The following QRICH1 variants were observed in gnomAD, a reference collection of about 807,000 sequenced individuals.
The protein encoded by QRICH1 is transcriptional regulator QRICH1.
In QRICH1, 16 loss-of-function variants were observed where a neutral mutation model predicts 87.1. The observed-to-expected ratio is 0.18, with a 90% confidence interval of 0.12 to 0.28. QRICH1 has a LOEUF of 0.28. Among genes scored for constraint, QRICH1 ranks in the 10% least tolerant of loss-of-function variants. QRICH1 has a pLI of 1.00. For synonymous variants in QRICH1, 367 were observed against 368.4 expected, an observed-to-expected ratio of 1.00 and a Z score of 0.05; for missense variants, 647 against 951.7, an observed-to-expected ratio of 0.68 and a Z score of 4.21.
intron 1 of QRICH1, among the ~76,000 whole-genome samples, chr3:49,083,732 C>T (rs1000107605): frequency 5.3e-5 from 8 of 151,710 alleles, no homozygotes; most frequent in African/African-American, 1.9e-4. Context: ...CATGCCACTG[C>T]ACTCCAGCTT....
At chr3:49,085,997 G>A in intron 1 of QRICH1, among the ~76,000 whole-genome samples, 1 of 151,888 alleles carries the variant, frequency 6.6e-6, no homozygotes, top group East Asian at 1.9e-4. Context: ...CAGCCATGAG[G>A]ATATCTGAGT....
At chr3:49,092,717 C>T (rs965492170) in intron 1 of QRICH1, among the ~76,000 whole-genome samples, 4 of 152,008 alleles carry the variant, frequency 2.6e-5, no homozygotes, top group African/African-American at 9.7e-5. Context: ...TCCTTGACAC[C>T]AAAACACAGC....
intron 2 of QRICH1, among the ~76,000 whole-genome samples, chr3:49,075,330 C>CAA (rs941226226): frequency 3.3e-4 from 22 of 65,904 alleles, no homozygotes; most frequent in South Asian, 1.9e-3. Flanking sequence ...CCCTGTCCCT[C>CAA]AAAAAAAAAA....
chr3:49,079,416 AT>A (rs2042014338), intron 1 of QRICH1, among the ~76,000 whole-genome samples: 2 of 148,494 alleles, frequency 1.3e-5, no homozygotes, highest in Non-Finnish European at 3.0e-5. Flanking sequence ...AATAAAATAA[AT>A]AATTATAATA....
intron 3 of QRICH1, among the ~76,000 whole-genome samples, chr3:49,052,983 T>G (rs1239552899): frequency 6.6e-6 from 1 of 152,182 alleles, no homozygotes; most frequent in Non-Finnish European, 1.5e-5. Flanking sequence ...ATTATCATCT[T>G]CAGCAGCAGC....
intron 2 of QRICH1, among the ~76,000 whole-genome samples, chr3:49,068,328 T>A (rs1049134426): frequency 1.3e-5 from 2 of 151,916 alleles, no homozygotes; most frequent in Non-Finnish European, 2.9e-5. Flanking sequence ...CTCTACTCTG[T>A]AGCCTATAGT....
intron 6 of QRICH1, among the ~76,000 whole-genome samples, chr3:49,039,614 A>T (rs1163456626): frequency 7.6e-6 from 1 of 132,052 alleles, no homozygotes; most frequent in Non-Finnish European, 1.6e-5. Flanking sequence ...CAGAGACTCC[A>T]TCTCAAAAAA....
Position 49,034,078 on chromosome 3 carries a change from T to TA in QRICH1, c.1787-851_1787-850insT, listed in dbSNP as rs2093259527. On this transcript the variant is annotated intron_variant, in intron 6 of 9. Transcript: ENST00000395443. ...AAAGAGACTGATACTCTTTGGGGGA[T>TA]TTTATTATTATTATTATTATTATTA... is the stretch of plus-strand genomic sequence containing the variant. Among the ~76,000 whole-genome samples, 12 of 93,050 alleles carry TA rather than the reference T, an allele frequency of 1.3e-4. 2 individuals carry two copies. The highest frequency in any genetic ancestry group is 5.2e-4 in the African/African-American group (11 of 21,104). The allele number at this position is 93,050 out of a possible 152,430, so 61.0% of individuals were successfully genotyped here.
At chr3:49,080,028 CAAAA>C (rs11443291) in intron 1 of QRICH1, among the ~76,000 whole-genome samples, 1 of 136,524 alleles carries the variant, frequency 7.3e-6, no homozygotes. Flanking sequence ...GACTCTATCT[CAAAA>C]AAAAAAAAAA....
intron 3 of QRICH1, among the ~76,000 whole-genome samples, chr3:49,050,390 T>C (rs1575339865): frequency 8.3e-6 from 1 of 120,766 alleles, no homozygotes; most frequent in Admixed American, 1.1e-4. Context: ...GCCACTGCAC[T>C]CCAACCTGGG....
At chr3:49,082,355 G>C (rs2042078372) in intron 1 of QRICH1, among the ~76,000 whole-genome samples, 1 of 152,074 alleles carries the variant, frequency 6.6e-6, no homozygotes, top group Non-Finnish European at 1.5e-5. Flanking sequence ...TGTCAATCAA[G>C]GTTCCAAAGA....
chr3:49,070,919 C>T (rs934115005), intron 2 of QRICH1, among the ~76,000 whole-genome samples: 2 of 152,000 alleles, frequency 1.3e-5, no homozygotes, highest in Non-Finnish European at 1.5e-5. Flanking sequence ...GCTTTTCTTT[C>T]TTCTGAGACA....
intron 1 of QRICH1, among the ~76,000 whole-genome samples, chr3:49,092,699 C>A (rs2042299763): frequency 6.6e-6 from 1 of 151,924 alleles, no homozygotes; most frequent in Admixed American, 6.6e-5. Flanking sequence ...TAGAACAAAC[C>A]TAGAACTTCC....
chr3:49,088,136 G>T (rs1475995533), intron 1 of QRICH1, among the ~76,000 whole-genome samples: 1 of 151,530 alleles, frequency 6.6e-6, no homozygotes, highest in Non-Finnish European at 1.5e-5. Flanking sequence ...GTATTTTTTA[G>T]TAGAGAGAAA....
intron 1 of QRICH1, among the ~76,000 whole-genome samples, chr3:49,080,922 T>C (rs1419892120): frequency 3.2e-5 from 4 of 124,396 alleles, no homozygotes; most frequent in East Asian, 2.8e-4. Context: ...TTCTTCATCA[T>C]GCCATTGCAC....
chr3:49,091,409 A>G (rs1271282233), intron 1 of QRICH1, among the ~76,000 whole-genome samples: 2 of 152,198 alleles, frequency 1.3e-5, no homozygotes, highest in African/African-American at 4.8e-5. Context: ...TATCCAAAAA[A>G]AAAAGCATAT....
intron 1 of QRICH1, among the ~76,000 whole-genome samples, chr3:49,088,623 T>G (rs1435289541): frequency 1.4e-5 from 2 of 148,128 alleles, no homozygotes; most frequent in Admixed American, 6.7e-5. Flanking sequence ...TGTCTGTTTT[T>G]TTTTTTTTTT....
intron 5 of QRICH1, 129 bp downstream of exon 5, chr3:49,046,296 A>T: frequency 1.0e-6 from 1 of 973,372 alleles, no homozygotes; most frequent in Non-Finnish European, 1.5e-6. Context: ...TGTGTATTTT[A>T]AAACTCACTG....
chr3:49,066,480 T>C (rs2093469113), intron 2 of QRICH1, among the ~76,000 whole-genome samples: 1 of 150,796 alleles, frequency 6.6e-6, no homozygotes, highest in Non-Finnish European at 1.5e-5. Context: ...TTTTTTTTTG[T>C]TGAGGCAAGA....
Sources: gnomAD v4.1 joint callset for allele counts (sites outside exome capture counted in the v4.1 genomes callset) on GRCh38, gnomAD v4.1.1 for gene constraint, MANE v1.5 for transcripts, NCBI Gene and HGNC (gene_info 2026-07-23, HGNC 2026-07-21) for gene names.